Variants in SQOR observed in about 807,000 individuals in gnomAD.
The protein encoded by SQOR is sulfide quinone oxidoreductase.
Under a neutral mutation model 48.6 loss-of-function variants are expected in SQOR, and 39 were observed. The observed-to-expected ratio is 0.80, with a 90% CI of 0.62 to 1.05. The LOEUF (loss-of-function observed/expected upper bound fraction) is 1.05. Among genes scored for constraint, SQOR ranks in the 50% least tolerant of loss-of-function variants. SQOR has a pLI of 0.00. For synonymous variants in SQOR, 220 were observed against 206.2 expected (o/e 1.07, Z -0.57); for missense variants, 561 against 559.9 (o/e 1.00, Z -0.02).
intron 3 of SQOR, among the ~76,000 whole-genome samples, chr15:45,668,034 T>C (rs1345488514): frequency 7.0e-6 from 1 of 142,158 alleles, no homozygotes; most frequent in Non-Finnish European, 1.5e-5. Context: ...AACCTCTACC[T>C]CCTGGATTCA....
intron 4 of SQOR, 95 bp from the exon 5 acceptor site, chr15:45,673,512 T>C: frequency 1.5e-6 from 2 of 1,355,516 alleles, no homozygotes; most frequent in Non-Finnish European, 2.0e-6. Context: ...ATGATAGTAC[T>C]GAAATATTTG....
intron 3 of SQOR, among the ~76,000 whole-genome samples, chr15:45,664,689 A>G (rs1889783216): frequency 6.6e-6 from 1 of 152,148 alleles, no homozygotes; most frequent in Non-Finnish European, 1.5e-5. Context: ...GCTGGGCTTG[A>G]GGTCGGTGCA....
chr15:45,667,647 C>T (rs2140952872), intron 3 of SQOR, among the ~76,000 whole-genome samples: 1 of 152,248 alleles, frequency 6.6e-6, no homozygotes, highest in African/African-American at 2.4e-5. Context: ...TAATCTTAAG[C>T]TGGCATGTTT....
At chr15:45,632,036 T>C (rs1894906099), upstream of SQOR, 1 of 152,218 alleles carries the variant, frequency 6.6e-6, no homozygotes, top group Admixed American at 6.5e-5. Context: ...CAACTCTCAG[T>C]CCCCTTCCTT....
chr15:45,650,537 A>G (rs538507435), intron 1 of SQOR, among the ~76,000 whole-genome samples: 1 of 152,260 alleles, frequency 6.6e-6, no homozygotes, highest in Admixed American at 6.5e-5. Flanking sequence ...GAGCAAAAGA[A>G]GAAAGCATCC....
At chr15:45,654,418 C>T (rs952977897) in intron 1 of SQOR, among the ~76,000 whole-genome samples, 3 of 152,320 alleles carry the variant, frequency 2.0e-5, no homozygotes, top group Middle Eastern at 3.4e-3. Context: ...CATTCTGCTT[C>T]ATGACTATTA....
intron 1 of SQOR, among the ~76,000 whole-genome samples, chr15:45,643,631 TCTC>T (rs1418574764): frequency 2.6e-5 from 4 of 152,178 alleles, no homozygotes; most frequent in African/African-American, 9.7e-5. Flanking sequence ...AGGTAAAAAT[TCTC>T]CTAATAAAAA....
Position 45,677,327 on chromosome 15 carries a change from A to G in SQOR, c.864+1017A>G, listed in dbSNP as rs1471001083. Among the ~76,000 whole-genome samples the G allele has an allele frequency of 3.9e-5, 6 of 152,098 alleles. No homozygotes were observed. In the East Asian group the frequency reaches 1.2e-3, roughly 29 times the overall value. On this transcript the variant is annotated intron_variant, in intron 6 of 9. Transcript: ENST00000260324. ...AGCTCTCTTTAGCCCCAAATACTTT[A>G]GTGTTAATTTTCTAAAATAGAAGTG...
intron 1 of SQOR, chr15:45,646,115 T>C (rs79050257): frequency 6.6e-6 from 1 of 152,184 alleles, no homozygotes; most frequent in African/African-American, 2.4e-5. Flanking sequence ...AGCCCCAAAT[T>C]GTATAGGGTT....
chr15:45,655,898 G>A (rs2140945668), intron 1 of SQOR, among the ~76,000 whole-genome samples: 1 of 151,842 alleles, frequency 6.6e-6, no homozygotes, highest in South Asian at 2.1e-4. Context: ...TGTTGGCCAG[G>A]ATGGTCTCGA....
At chr15:45,672,133 T>C (rs1889955859) in intron 4 of SQOR, among the ~76,000 whole-genome samples, 1 of 152,126 alleles carries the variant, frequency 6.6e-6, no homozygotes, top group African/African-American at 2.4e-5. Context: ...TTGTTTCTGC[T>C]TGTTTATCTC....
chr15:45,639,712 T>C (rs1406460345), intron 1 of SQOR, among the ~76,000 whole-genome samples: 1 of 152,214 alleles, frequency 6.6e-6, no homozygotes, highest in East Asian at 1.9e-4. Flanking sequence ...GGAGTATAGA[T>C]TGTGAGAGCT....
At chr15:45,674,517 G>A (rs1272620897) in intron 5 of SQOR, among the ~76,000 whole-genome samples, 1 of 151,798 alleles carries the variant, frequency 6.6e-6, no homozygotes, top group Non-Finnish European at 1.5e-5. Context: ...ACAATTAGTT[G>A]CAGATTGTTC....
At chr15:45,639,429 C>T (rs1895067423) in intron 1 of SQOR, among the ~76,000 whole-genome samples, 1 of 152,214 alleles carries the variant, frequency 6.6e-6, no homozygotes, top group South Asian at 2.1e-4. Context: ...TAATGAATCT[C>T]CATGTTTTGG....
chr15:45,635,484 C>G (rs1398792342), intron 1 of SQOR, among the ~76,000 whole-genome samples: 1 of 152,132 alleles, frequency 6.6e-6, no homozygotes, highest in Admixed American at 6.5e-5. Flanking sequence ...AGTGGGTGCT[C>G]GGCGTCCGGG....
At chr15:45,682,736 GC>G in intron 7 of SQOR, 75 bp downstream of exon 7, 2 of 1,536,558 alleles carry the variant, frequency 1.3e-6, no homozygotes, top group Non-Finnish European at 1.8e-6. Flanking sequence ...AAAAACACAA[GC>G]TTGGCATCGG....
At chr15:45,633,195 C>T (rs1293972070), upstream of SQOR, among the ~76,000 whole-genome samples, 1 of 151,622 alleles carries the variant, frequency 6.6e-6, no homozygotes, top group Non-Finnish European at 1.5e-5. Context: ...TTTCTGGTGT[C>T]CTGTGCCTTG....
intron 2 of SQOR, among the ~76,000 whole-genome samples, chr15:45,659,641 A>G (rs1889685544): frequency 6.6e-6 from 1 of 152,056 alleles, no homozygotes; most frequent in Non-Finnish European, 1.5e-5. Flanking sequence ...CTCTGCCTCC[A>G]TCTTCACAGA....
At chr15:45,664,069 A>T (rs1889769460) in intron 3 of SQOR, among the ~76,000 whole-genome samples, 1 of 152,160 alleles carries the variant, frequency 6.6e-6, no homozygotes, top group Non-Finnish European at 1.5e-5. Context: ...GCTGATTTGG[A>T]GCTAATTGGT....
Sources: gnomAD v4.1 joint callset for allele counts (sites outside exome capture counted in the v4.1 genomes callset) on GRCh38, gnomAD v4.1.1 for gene constraint, MANE v1.5 for transcripts, NCBI Gene and HGNC (gene_info 2026-07-23, HGNC 2026-07-21) for gene names.